RRP12: variants seen among roughly 807,000 people sequenced by gnomAD.
RRP12 encodes the protein RRP12-like protein.
Under a neutral mutation model 157.3 loss-of-function variants are expected in RRP12, and 78 were observed. That is an observed-to-expected ratio of 0.50 (90% CI 0.41 to 0.60). The LOEUF (loss-of-function observed/expected upper bound fraction) is 0.60. RRP12 is among the 20% of genes least tolerant of loss of function. The pLI, the probability that RRP12 is intolerant of heterozygous loss-of-function variation, is 0.00. For synonymous variants in RRP12, 726 were observed against 670.9 expected, an observed-to-expected ratio of 1.08 and a Z score of -1.27; for missense variants, 1,521 against 1,679.9, an observed-to-expected ratio of 0.91 and a Z score of 1.65.
intron 15 of RRP12, 51 bp from the exon 16 acceptor site, chr10:97,373,945 C>G: frequency 6.5e-7 from 1 of 1,549,582 alleles, no homozygotes; most frequent in Non-Finnish European, 8.8e-7. Context: ...TCCTGGCCAA[C>G]AGCCTTATTT....
intron 30 of RRP12, among the ~76,000 whole-genome samples, chr10:97,363,547 C>T (rs1843896102): frequency 6.6e-6 from 1 of 152,218 alleles, no homozygotes; most frequent in Admixed American, 6.5e-5. Context: ...CCATGCTCCC[C>T]TACGGTGGAT....
rs578146416 is a variant in RRP12 at position 97,387,323 on chromosome 10, T to G, written c.1017+929A>C. Among the ~76,000 whole-genome samples, 13 of 151,694 alleles carry G rather than the reference T, an allele frequency of 8.6e-5. No homozygotes were observed. In the East Asian group the frequency reaches 2.5e-3, roughly 29 times the overall value. On this transcript the variant is annotated intron_variant, in intron 8 of 33. Coordinates refer to ENST00000370992, the MANE Select transcript of RRP12 (RefSeq NM_015179.4). ...ATTTTCTTTTCTTTTTCTTTCCTTT[T>G]TTTTCTTTTTCCTTTTTTTTTTTTT...
At chr10:97,389,156 G>T (rs1589436220) in intron 6 of RRP12, among the ~76,000 whole-genome samples, 1 of 152,102 alleles carries the variant, frequency 6.6e-6, no homozygotes, top group Non-Finnish European at 1.5e-5. Context: ...GTGCAGTGGC[G>T]GATCTCGGCT....
chr10:97,398,482 T>C (rs1306203518), intron 2 of RRP12, among the ~76,000 whole-genome samples: 7 of 150,576 alleles, frequency 4.6e-5, no homozygotes, highest in African/African-American at 1.7e-4. Context: ...GCTTCCCAAG[T>C]AGCTGGGATT....
intron 4 of RRP12, 25 bp downstream of exon 4, chr10:97,393,659 G>A: frequency 6.3e-7 from 1 of 1,599,860 alleles, no homozygotes; most frequent in Admixed American, 1.7e-5. Context: ...AAAGCCTTGG[G>A]GTTCAAACAG....
chr10:97,382,198 T>G (rs1844490923), intron 10 of RRP12, among the ~76,000 whole-genome samples: 1 of 149,210 alleles, frequency 6.7e-6, no homozygotes, highest in African/African-American at 2.5e-5. Context: ...TTTTTTTTTT[T>G]GCAGTGGTAC....
At position 97,375,514 on chromosome 10, in the gene RRP12, AG is replaced by A. The variant is rs558818995; in HGVS notation, c.1799-1621del. On this transcript the variant is annotated intron_variant, in intron 15 of 33. Transcript: ENST00000370992. ...CAATACTGTCAGGCACGTCTTTGCT[AG>A]GAACATAAATCAGTACGCACTTGTC... is the stretch of plus-strand genomic sequence containing the variant. 1.6e-4 allele frequency among the ~76,000 whole-genome samples: 24 copies of A among 152,292 alleles called. No homozygotes were observed. In the South Asian group the frequency reaches 4.8e-3, roughly 30 times the overall value.
chr10:97,357,958 G>A (rs1449354975), intron 33 of RRP12, among the ~76,000 whole-genome samples: 3 of 142,310 alleles, frequency 2.1e-5, no homozygotes, highest in South Asian at 2.2e-4. Flanking sequence ...GCGAGACTCC[G>A]TCTCAAAAAA....
At chr10:97,399,774 C>A (rs926874870) in intron 2 of RRP12, among the ~76,000 whole-genome samples, 1 of 150,830 alleles carries the variant, frequency 6.6e-6, no homozygotes, top group Admixed American at 6.6e-5. Flanking sequence ...AAAAATTAGC[C>A]GGGCGTGGTG....
Position 97,369,566 on chromosome 10 carries a change from A to C in RRP12, c.2814T>G (p.Ser938Arg), listed in dbSNP as rs909824761. Residue 938 changes from serine (S) to arginine (R), a missense_variant, in exon 25 of 34, where the codon AGT (serine) becomes AGG (arginine). Physicochemically the swap from Ser to Arg is moderately radical, Grantham distance 110. Transcript: ENST00000370992. ...LFEFKGLMGT[S>R]TVEQLLENVC... ...CATTCTCCAGCAGCTGCTCCACTGT[A>C]CTGGTCCCCATCAGACCTGTGGCAG... is the stretch of plus-strand genomic sequence containing the variant. The C allele has an allele frequency of 1.3e-6, 2 of 1,566,896 alleles. No homozygotes were observed. The highest frequency in any genetic ancestry group is 1.7e-6 in the Non-Finnish European group (2 of 1,155,504).
intron 2 of RRP12, among the ~76,000 whole-genome samples, chr10:97,399,251 C>G (rs953243802): frequency 6.6e-6 from 1 of 152,070 alleles, no homozygotes; most frequent in Non-Finnish European, 1.5e-5. Flanking sequence ...CTAGCCTGGA[C>G]AACAAGAGCG....
rs987017976 is a variant in RRP12, at chr10:97,381,751, G to C, written c.1284C>G (p.His428Gln). The C allele has an allele frequency of 1.9e-6, 3 of 1,614,216 alleles. No individual in the cohort carries two copies. Among genetic ancestry groups the C allele is most frequent in the Non-Finnish European group, 1.7e-6 (2 of 1,180,010 alleles). The change falls in exon 11 of 34, where the codon CAC (histidine) becomes CAG (glutamine). Residue 428 changes from histidine to glutamine, a missense_variant. His to Gln is a conservative substitution (Grantham distance 24). Transcript: ENST00000370992. ...GTAVTCLLSPHSQVLTAATQS... is the reference protein window; with the variant it reads ...GTAVTCLLSPQSQVLTAATQS... ...GCGTAGCAGCAGTCAGCACTTGCGA[G>C]TGTGGGGAAAGGAGGCAGGTCACCG...
chr10:97,366,008 A>G, intron 29 of RRP12, 100 bp downstream of exon 29: 1 of 1,476,562 alleles, frequency 6.8e-7, no homozygotes, highest in South Asian at 1.2e-5. Flanking sequence ...TGCCGAGAGA[A>G]GAGTTTCTCT....
intron 8 of RRP12, among the ~76,000 whole-genome samples, chr10:97,387,377 A>G (rs1427115387): frequency 7.4e-6 from 1 of 136,036 alleles, no homozygotes; most frequent in East Asian, 2.1e-4. Flanking sequence ...TCTGTTGCCC[A>G]AGTTGGAGTG....
intron 3 of RRP12, among the ~76,000 whole-genome samples, chr10:97,394,424 G>T (rs778340022): frequency 3.3e-5 from 5 of 152,136 alleles, no homozygotes; most frequent in Non-Finnish European, 7.4e-5. Context: ...TTGAGAGACA[G>T]GGTCTCCCAG....
At chr10:97,372,674 C>G in intron 19 of RRP12, 62 bp downstream of exon 19, 1 of 1,338,310 alleles carries the variant, frequency 7.5e-7, no homozygotes, top group South Asian at 1.3e-5. Flanking sequence ...GTGCTTCTGC[C>G]AGATGCACCC....
At chr10:97,396,331 A>G (rs1844964605) in intron 2 of RRP12, 30 bp from the exon 3 acceptor site, 3 of 1,564,648 alleles carry the variant, frequency 1.9e-6, no homozygotes, top group Non-Finnish European at 2.6e-6. Context: ...CACTGTGACT[A>G]TTTTAGACCT....
At chr10:97,393,588 T>C (rs1238051831) in intron 4 of RRP12, 96 bp downstream of exon 4, 3 of 1,003,428 alleles carry the variant, frequency 3.0e-6, no homozygotes, top group Admixed American at 3.8e-5. Context: ...GCAAGTATCT[T>C]TTTAAATAAC....
chr10:97,385,162 G>T lies in RRP12; in HGVS notation c.1208+4C>A. 1 of 1,610,406 alleles carries T rather than the reference G, an allele frequency of 6.2e-7. No homozygotes were observed. Among genetic ancestry groups the T allele is most frequent in the Non-Finnish European group, 8.5e-7 (1 of 1,176,924 alleles). ...GGCCCTAAGCACCCCTCCTTCATCC[G>T]TACCTCACCAGGTTGATGTGGGCTT... On this transcript the variant is annotated splice_donor_region_variant and intron_variant, in intron 10 of 33. Coordinates refer to ENST00000370992, the MANE Select transcript of RRP12 (RefSeq NM_015179.4).
Sources: allele counts gnomAD v4.1 joint callset (sites outside exome capture counted in the v4.1 genomes callset), GRCh38; gene constraint gnomAD v4.1.1; transcripts MANE v1.5; gene names NCBI Gene and HGNC (gene_info 2026-07-23, HGNC 2026-07-21).